SLC6A15: variants seen among roughly 807,000 people sequenced by gnomAD.
SLC6A15 encodes sodium-dependent neutral amino acid transporter B(0)AT2.
A neutral mutation model predicts 68.5 loss-of-function variants in SLC6A15; 33 were observed. The observed-to-expected ratio is 0.48, with a 90% CI of 0.37 to 0.64. The LOEUF (loss-of-function observed/expected upper bound fraction) is 0.64. Ranked by LOEUF, SLC6A15 falls within the 30% of genes least tolerant of loss-of-function variation. SLC6A15 has a pLI of 0.00. For missense variants in SLC6A15, 747 were observed against 874.3 expected, an observed-to-expected ratio of 0.85 and a Z score of 1.84; for synonymous variants, 347 against 301.0, an observed-to-expected ratio of 1.15 and a Z score of -1.58.
In SLC6A15 at chr12:84,892,773, T is replaced by C. The variant is rs1202922563; in HGVS notation, c.-188-465A>G. On this transcript the variant is annotated intron_variant, in intron 1 of 11. Coordinates refer to ENST00000266682, the MANE Select transcript of SLC6A15 (RefSeq NM_182767.6). ...TTCACTCATTTGATATTAATTGTTC[T>C]TCTCAAAAATTTAACCTAGTTTATT... Among the ~76,000 whole-genome samples the C allele has an allele frequency of 3.3e-5, 5 of 152,268 alleles. No individual in the cohort carries two copies. In the East Asian group the frequency reaches 9.6e-4, roughly 29 times the overall value.
intron 5 of SLC6A15, 43 bp from the exon 6 acceptor site, chr12:84,876,650 AT>A (rs773358465): frequency 3.8e-5 from 34 of 889,644 alleles, no homozygotes; most frequent in South Asian, 2.0e-4. Context: ...TACAATGACC[AT>A]TTTTTTATAG....
chr12:84,909,063 G>A (rs533884206), intron 1 of SLC6A15, among the ~76,000 whole-genome samples: 2 of 152,100 alleles, frequency 1.3e-5, no homozygotes, highest in African/African-American at 4.8e-5. Flanking sequence ...TTGATCAAAA[G>A]GTATGAGCTT....
At chr12:84,872,929 A>T in intron 7 of SLC6A15, 135 bp from the exon 8 acceptor site, 2 of 1,194,096 alleles carry the variant, frequency 1.7e-6, no homozygotes, top group Admixed American at 5.5e-5. Context: ...TGAGGTGATG[A>T]CTATCCCATT....
rs73377520 is a variant in SLC6A15, at chr12:84,901,209, G to A, written c.-188-8901C>T. Among the ~76,000 whole-genome samples the A allele has an allele frequency of 3.2e-3, 481 of 151,368 alleles. 2 individuals carry two copies. The highest frequency in any genetic ancestry group is 0.011 in the African/African-American group (469 of 41,404). ...TTCATTCTTCTTTAAAAGTTTGGCA[G>A]CACTCGCCAATAAAGCCATCTGGGC... On this transcript the variant is annotated intron_variant, in intron 1 of 11. Coordinates refer to ENST00000266682, the MANE Select transcript of SLC6A15 (RefSeq NM_182767.6).
At chr12:84,887,279 T>C (rs1872156451) in intron 2 of SLC6A15, among the ~76,000 whole-genome samples, 1 of 152,256 alleles carries the variant, frequency 6.6e-6, no homozygotes, top group Non-Finnish European at 1.5e-5. Context: ...TTAATGGCAC[T>C]GAATAGATTT....
At position 84,861,529 on chromosome 12, in the gene SLC6A15, C is replaced by G; in HGVS notation, c.*103G>C. Reference sequence around the variant, plus strand: ...GATTAAAGATCACAGCCACGGAACACCTGAGATTGCCCTCTGATAAGTGAA... The same window carrying G: ...GATTAAAGATCACAGCCACGGAACAGCTGAGATTGCCCTCTGATAAGTGAA... On this transcript the variant is annotated 3_prime_UTR_variant, in exon 12 of 12. Coordinates refer to ENST00000266682, the MANE Select transcript of SLC6A15 (RefSeq NM_182767.6). The G allele has an allele frequency of 7.6e-7, 1 of 1,317,096 alleles. No individual in the cohort carries two copies. The highest frequency in any genetic ancestry group is 1.0e-6 in the Non-Finnish European group (1 of 958,438). 81.6% of individuals were successfully genotyped at this position (1,317,096 alleles called of 1,614,324 possible). A position where few individuals can be genotyped will look rare whatever the true frequency, so the allele number is the denominator to read the frequency against.
intron 1 of SLC6A15, among the ~76,000 whole-genome samples, chr12:84,907,299 G>T (rs1473261449): frequency 6.6e-6 from 1 of 151,852 alleles, no homozygotes; most frequent in Non-Finnish European, 1.5e-5. Context: ...AGTGAGCTGA[G>T]ATCGCGCCAC....
intron 11 of SLC6A15, 66 bp from the exon 12 acceptor site, chr12:84,862,072 A>T: frequency 6.9e-7 from 1 of 1,453,244 alleles, no homozygotes; most frequent in Non-Finnish European, 9.2e-7. Flanking sequence ...AAAATATTGT[A>T]CTTGCTTCAA....
At chr12:84,911,539 C>G (rs1394354757) in intron 1 of SLC6A15, among the ~76,000 whole-genome samples, 2 of 152,170 alleles carry the variant, frequency 1.3e-5, no homozygotes, top group Non-Finnish European at 2.9e-5. Context: ...GCTTTGCTTC[C>G]TAAAACGCAC....
intron 9 of SLC6A15, among the ~76,000 whole-genome samples, chr12:84,868,613 T>TA (rs1871160338): frequency 1.3e-5 from 2 of 152,208 alleles, no homozygotes; most frequent in Non-Finnish European, 2.9e-5. Flanking sequence ...GCCTAAATCT[T>TA]ACTGCATAAA....
Position 84,870,479 on chromosome 12 carries a change from A to G in SLC6A15, c.1494T>C (p.Thr498=). 3 of 1,537,164 alleles carry G rather than the reference A, an allele frequency of 2.0e-6. No homozygotes were observed. The highest frequency in any genetic ancestry group is 2.6e-6 in the Non-Finnish European group (3 of 1,142,230). ...AAAAGTCAAATACAAAAAACTCACCAGTAAGAATTTCTTTCCTCACTTTGA... is the reference window on the plus strand; with the variant it reads ...AAAAGTCAAATACAAAAAACTCACCGGTAAGAATTTCTTTCCTCACTTTGA... ...DTFKVRKEIL[T]VICCLLAFCI... Residue 498 remains threonine, a splice_region_variant and synonymous_variant, in exon 9 of 12, where the codon ACT becomes ACC. Coordinates refer to ENST00000266682, the MANE Select transcript of SLC6A15 (RefSeq NM_182767.6).
At chr12:84,865,311 C>A (rs1485110345) in intron 10 of SLC6A15, among the ~76,000 whole-genome samples, 1 of 152,144 alleles carries the variant, frequency 6.6e-6, no homozygotes, top group Admixed American at 6.6e-5. Flanking sequence ...TTTTTAAGAG[C>A]AATTTTAGGT....
At chr12:84,880,731 T>C (rs7978190) in intron 5 of SLC6A15, 6,379 of 208,106 alleles carry the variant, frequency 0.031, 412 homozygotes, top group African/African-American at 0.14. Flanking sequence ...CCTTGACAAC[T>C]ATTATGCCTG....
chr12:84,887,887 CCA>C (rs1357926032), intron 2 of SLC6A15, among the ~76,000 whole-genome samples: 1 of 151,698 alleles, frequency 6.6e-6, no homozygotes, highest in Non-Finnish European at 1.5e-5. Flanking sequence ...TCCAGCAAGC[CCA>C]CTCCTAGATA....
chr12:84,885,307 G>T, intron 4 of SLC6A15, 128 bp downstream of exon 4: 1 of 899,302 alleles, frequency 1.1e-6, no homozygotes, highest in African/African-American at 1.8e-5. Flanking sequence ...TGTGAGCAAA[G>T]TCTGTTATAA....
At chr12:84,875,123 TTG>T (rs1871460214) in intron 6 of SLC6A15, among the ~76,000 whole-genome samples, 1 of 152,160 alleles carries the variant, frequency 6.6e-6, no homozygotes, top group African/African-American at 2.4e-5. Context: ...TCACAAGCAA[TTG>T]TCAGTTTAGA....
At chr12:84,895,107 T>C (rs1307751039) in intron 1 of SLC6A15, among the ~76,000 whole-genome samples, 2 of 151,920 alleles carry the variant, frequency 1.3e-5, no homozygotes, top group African/African-American at 4.8e-5. Context: ...CTGTCTGGGG[T>C]GGTTGTAGGA....
chr12:84,875,229 C>A (rs951391828), intron 6 of SLC6A15, among the ~76,000 whole-genome samples: 1 of 151,712 alleles, frequency 6.6e-6, no homozygotes, highest in African/African-American at 2.4e-5. Context: ...TATTTTTGGT[C>A]ATTAAGTGTG....
chr12:84,878,114 A>C (rs1871644725), intron 5 of SLC6A15, among the ~76,000 whole-genome samples: 1 of 152,212 alleles, frequency 6.6e-6, no homozygotes, highest in South Asian at 2.1e-4. Context: ...AGTTTTACCC[A>C]CTTAAGAATC....
Sources: gnomAD v4.1 joint callset for allele counts (sites outside exome capture counted in the v4.1 genomes callset) on GRCh38, gnomAD v4.1.1 for gene constraint, MANE v1.5 for transcripts, NCBI Gene and HGNC (gene_info 2026-07-23, HGNC 2026-07-21) for gene names.